Variants in TMEM237 observed in about 807,000 individuals in gnomAD.
TMEM237 encodes the protein amyotrophic lateral sclerosis 2 (juvenile) chromosome region, candidate 4.
In TMEM237, 51 loss-of-function variants were observed where a neutral mutation model predicts 59.1. The ratio of observed to expected loss-of-function variants is 0.86; its 90% CI spans 0.69 to 1.09. The LOEUF (loss-of-function observed/expected upper bound fraction) is 1.09. Among genes scored for constraint, TMEM237 ranks in the 50% least tolerant of loss-of-function variants. The pLI is 0.00. For synonymous variants in TMEM237, 140 were observed against 166.1 expected (o/e 0.84, Z 1.21); for missense variants, 475 against 478.3 (o/e 0.99, Z 0.06).
rs538615771 is a variant in TMEM237 at position 201,640,877 on chromosome 2, T to C, written c.74+16A>G. On this transcript the variant is annotated intron_variant, in intron 2 of 12. Transcript: ENST00000409883. ...TTTTAAAGCTCAATAATGAAATTAC[T>C]GTAAATTATTTTTACCTTGGCACAG... The C allele has an allele frequency of 8.8e-5, 139 of 1,573,718 alleles. 2 individuals carry two copies. The South Asian group carries it at 1.3e-3, about 14-fold the overall frequency.
intron 5 of TMEM237, 41 bp downstream of exon 5, chr2:201,636,707 C>T: frequency 6.5e-7 from 1 of 1,545,050 alleles, no homozygotes; most frequent in Non-Finnish European, 8.7e-7. Flanking sequence ...TCATCAAAAT[C>T]ACAAGTGCTA....
At chr2:201,638,031 A>G (rs956840930) in intron 4 of TMEM237, among the ~76,000 whole-genome samples, 2 of 152,230 alleles carry the variant, frequency 1.3e-5, no homozygotes, top group Non-Finnish European at 2.9e-5. Context: ...CACTGCTAGC[A>G]ATCCATCCTA....
chr2:201,629,461 A>G lies in TMEM237; in HGVS notation c.678-40T>C, dbSNP rs778551902. 8.9e-6 allele frequency: 13 copies of G among 1,459,840 alleles called. No individual in the cohort carries two copies. In the Admixed American group the frequency reaches 1.2e-4, roughly 14 times the overall value. 90.4% of individuals were successfully genotyped at this position (1,459,840 alleles called of 1,614,324 possible). A position where few individuals can be genotyped will look rare whatever the true frequency, so the allele number is the denominator to read the frequency against. ...GTTTGATTATTATACATGAATTACT[A>G]AAGTAAAAAGCTAAAACATGTTTAA... On this transcript the variant is annotated intron_variant, in intron 8 of 12. Transcript: ENST00000409883.
chr2:201,625,769 A>T (rs1016491774), intron 12 of TMEM237, among the ~76,000 whole-genome samples: 9 of 152,202 alleles, frequency 5.9e-5, no homozygotes. Flanking sequence ...TTCCAAGAGA[A>T]GAAATACCTC....
intron 1 of TMEM237, 45 bp from the exon 2 acceptor site, chr2:201,640,969 C>A: frequency 3.2e-6 from 5 of 1,551,758 alleles, no homozygotes; most frequent in Admixed American, 1.8e-5. Context: ...AAGCCTAGAG[C>A]ATCTTTACTT....
At chr2:201,638,889 G>C in intron 4 of TMEM237, 100 bp downstream of exon 4, 1 of 1,138,404 alleles carries the variant, frequency 8.8e-7, no homozygotes, top group Admixed American at 2.5e-5. Context: ...GTGGAGATTC[G>C]GGGCTGCTGG....
chr2:201,634,778 C>A (rs1687262433), intron 5 of TMEM237: 1 of 332,320 alleles, frequency 3.0e-6, no homozygotes, highest in Admixed American at 3.6e-5. Flanking sequence ...TGCCCCCAGG[C>A]ACTGTGGCAT....
chr2:201,640,561 C>G (rs1303992755), intron 2 of TMEM237, among the ~76,000 whole-genome samples: 1 of 151,706 alleles, frequency 6.6e-6, no homozygotes, highest in Non-Finnish European at 1.5e-5. Flanking sequence ...TTACTTGTGA[C>G]TGATTAAAAT....
At chr2:201,631,011 A>C (rs1369307163) in intron 7 of TMEM237, 2 of 152,172 alleles carry the variant, frequency 1.3e-5, no homozygotes, top group Non-Finnish European at 2.9e-5. Context: ...CCATGGTAGT[A>C]TATAGTCATG....
chr2:201,624,672 CAT>C (rs1232717658), intron 12 of TMEM237, among the ~76,000 whole-genome samples: 7 of 152,128 alleles, frequency 4.6e-5, no homozygotes, highest in Non-Finnish European at 1.0e-4. Context: ...TCATCTGAAA[CAT>C]AGGGGACAGA....
intron 1 of TMEM237, chr2:201,642,552 G>C (rs1687445988): frequency 1.3e-6 from 2 of 1,583,818 alleles, no homozygotes; most frequent in African/African-American, 1.4e-5. Context: ...TCAAAAGTAG[G>C]ACGGCTCAAC....
intron 5 of TMEM237, chr2:201,634,953 AG>A (rs1687267630): frequency 2.6e-6 from 1 of 382,644 alleles, no homozygotes; most frequent in Admixed American, 2.9e-5. Context: ...TGATGTTAAT[AG>A]GAGAGCACTA....
rs1167419726 is a variant in TMEM237 at position 201,620,961 on chromosome 2, GC to G, written c.*3293del. ...CACCTTGTGCTCCTCAGAGTACATG[GC>G]CCAATATCCCAAGGCCCTTAACACA... On this transcript the variant is annotated 3_prime_UTR_variant, in exon 13 of 13. Coordinates refer to ENST00000409883, the MANE Select transcript of TMEM237 (RefSeq NM_001044385.3). 7 of 152,138 alleles carry G rather than the reference GC, an allele frequency of 4.6e-5. No individual in the cohort carries two copies. The highest frequency in any genetic ancestry group is 1.0e-4 in the Non-Finnish European group (7 of 68,040). 9.4% of individuals were successfully genotyped at this position (152,138 alleles called of 1,614,324 possible). A position where few individuals can be genotyped will look rare whatever the true frequency, so the allele number is the denominator to read the frequency against.
intron 4 of TMEM237, among the ~76,000 whole-genome samples, chr2:201,637,279 T>C (rs150225904): frequency 1.3e-3 from 193 of 152,348 alleles, no homozygotes; most frequent in Non-Finnish European, 2.1e-3. Context: ...AAGTCCTTCA[T>C]TAATAAGTTA....
rs1010694232 is a variant in TMEM237 at position 201,620,363 on chromosome 2, A to G, written c.*3892T>C. On this transcript the variant is annotated 3_prime_UTR_variant, in exon 13 of 13. Coordinates refer to ENST00000409883, the MANE Select transcript of TMEM237 (RefSeq NM_001044385.3). ...AGGTCAGCTTTTAGTTAACTCTTATATCCCCATACACATATCCTAAAGGCA... is the reference window on the plus strand; with the variant it reads ...AGGTCAGCTTTTAGTTAACTCTTATGTCCCCATACACATATCCTAAAGGCA... 1 of 152,158 alleles carries G rather than the reference A, an allele frequency of 6.6e-6. No homozygotes were observed. Among genetic ancestry groups the G allele is most frequent in the African/African-American group, 2.4e-5 (1 of 41,426 alleles). 9.4% of individuals were successfully genotyped at this position (152,158 alleles called of 1,614,324 possible). A position where few individuals can be genotyped will look rare whatever the true frequency, so the allele number is the denominator to read the frequency against.
intron 12 of TMEM237, among the ~76,000 whole-genome samples, chr2:201,624,707 A>G (rs887859685): frequency 2.0e-5 from 3 of 152,204 alleles, no homozygotes; most frequent in African/African-American, 7.2e-5. Flanking sequence ...ACTTGGAACT[A>G]ACAAGAGATG....
At chr2:201,641,031 G>C in intron 1 of TMEM237, 107 bp from the exon 2 acceptor site, 1 of 973,354 alleles carries the variant, frequency 1.0e-6, no homozygotes, top group Non-Finnish European at 1.5e-6. Flanking sequence ...TTGCTGTGTG[G>C]CCCAGGCTGG....
At chr2:201,637,797 A>T (rs1687330962) in intron 4 of TMEM237, among the ~76,000 whole-genome samples, 1 of 152,112 alleles carries the variant, frequency 6.6e-6, no homozygotes, top group East Asian at 1.9e-4. Context: ...AAAATGTTTA[A>T]CCTCAGTAGT....
intron 12 of TMEM237, 132 bp downstream of exon 12, chr2:201,625,894 C>T: frequency 9.9e-7 from 1 of 1,012,722 alleles, no homozygotes; most frequent in Non-Finnish European, 1.4e-6. Context: ...TATTTTCTCT[C>T]TTCTTGTATC....
Sources: gnomAD v4.1 joint callset for allele counts (sites outside exome capture counted in the v4.1 genomes callset) on GRCh38, gnomAD v4.1.1 for gene constraint, MANE v1.5 for transcripts, NCBI Gene and HGNC (gene_info 2026-07-23, HGNC 2026-07-21) for gene names.